Variants in DOCK10 observed in about 807,000 individuals in gnomAD.
DOCK10 encodes the protein dedicator of cytokinesis 10.
In DOCK10, 145 loss-of-function variants were observed where a neutral mutation model predicts 280.1. The observed-to-expected ratio is 0.52, with a 90% CI of 0.45 to 0.59. The LOEUF (loss-of-function observed/expected upper bound fraction) is 0.59. Ranked by LOEUF, DOCK10 falls within the 20% of genes least tolerant of loss-of-function variation. The pLI is 0.00. For missense variants in DOCK10, 2,368 were observed against 2,651.7 expected, an observed-to-expected ratio of 0.89 and a Z score of 2.35; for synonymous variants, 915 against 942.2, an observed-to-expected ratio of 0.97 and a Z score of 0.53.
chr2:224,791,314 T>C (rs1692178072), intron 47 of DOCK10, among the ~76,000 whole-genome samples: 2 of 152,262 alleles, frequency 1.3e-5, no homozygotes, highest in South Asian at 2.1e-4. Context: ...TCAGGCTACA[T>C]AGGAAGTGTG....
At chr2:225,035,879 CTCT>C (rs1262740973) in intron 1 of DOCK10, among the ~76,000 whole-genome samples, 15 of 151,260 alleles carry the variant, frequency 9.9e-5, no homozygotes, top group East Asian at 2.0e-4. Flanking sequence ...ATCTCTCTCT[CTCT>C]TCTTCTTCTT....
At chr2:224,954,535 G>A (rs1278185079) in intron 1 of DOCK10, among the ~76,000 whole-genome samples, 2 of 152,062 alleles carry the variant, frequency 1.3e-5, no homozygotes, top group Non-Finnish European at 2.9e-5. Flanking sequence ...GCTTCAGCCT[G>A]CTCTGCTGTT....
intron 1 of DOCK10, among the ~76,000 whole-genome samples, chr2:224,995,837 A>G (rs907846424): frequency 1.3e-5 from 2 of 152,134 alleles, no homozygotes; most frequent in African/African-American, 4.8e-5. Context: ...TATTGCTCAC[A>G]CTCTTGGCCA....
intron 13 of DOCK10, among the ~76,000 whole-genome samples, chr2:224,863,941 G>T (rs920446251): frequency 6.6e-6 from 1 of 152,050 alleles, no homozygotes; most frequent in African/African-American, 2.4e-5. Context: ...CATCAGCATT[G>T]CTGATGTCTC....
chr2:224,868,976 C>T (rs1698099233), intron 11 of DOCK10, among the ~76,000 whole-genome samples: 1 of 151,984 alleles, frequency 6.6e-6, no homozygotes, highest in Non-Finnish European at 1.5e-5. Flanking sequence ...TTTGATAACC[C>T]ATCAAAAATT....
chr2:224,875,252 A>G (rs1476011687), intron 8 of DOCK10, among the ~76,000 whole-genome samples: 1 of 152,218 alleles, frequency 6.6e-6, no homozygotes, highest in East Asian at 1.9e-4. Context: ...CAACAAAATC[A>G]GCAATAGTTT....
intron 28 of DOCK10, among the ~76,000 whole-genome samples, chr2:224,820,180 C>T (rs754333916): frequency 3.4e-4 from 52 of 152,162 alleles, no homozygotes; most frequent in Non-Finnish European, 6.2e-4. Context: ...GGAAGGAGAT[C>T]GTAAGATTTC....
chr2:225,016,035 T>C (rs1477672928), intron 1 of DOCK10, among the ~76,000 whole-genome samples: 3 of 152,216 alleles, frequency 2.0e-5, no homozygotes, highest in Non-Finnish European at 4.4e-5. Flanking sequence ...CTAAATGGGA[T>C]AGCATGTGCT....
At position 224,770,110 on chromosome 2, in the gene DOCK10, T is replaced by C; in HGVS notation, c.6444+101A>G. 7.5e-7 allele frequency: 1 copy of C among 1,330,772 alleles called. No homozygotes were observed. The highest frequency in any genetic ancestry group is 9.9e-7 in the Non-Finnish European group (1 of 1,014,532). The allele number at this position is 1,330,772 out of a possible 1,614,324, so 82.4% of individuals were successfully genotyped here. On this transcript the variant is annotated intron_variant, in intron 55 of 55. Transcript: ENST00000258390. The surrounding 1 kb of genome is among the most constrained non-coding windows in gnomAD (Gnocchi z 4.5). Reference sequence around the variant, plus strand: ...CAGCAACATGGTGCTGATGCAGTGATTTCTGCAGCAAGAAAAGGGCCTCTT... The same window carrying C: ...CAGCAACATGGTGCTGATGCAGTGACTTCTGCAGCAAGAAAAGGGCCTCTT...
chr2:224,960,793 G>C (rs1303990676), intron 1 of DOCK10, among the ~76,000 whole-genome samples: 1 of 128,400 alleles, frequency 7.8e-6, no homozygotes, highest in Non-Finnish European at 1.6e-5. Flanking sequence ...AGGCTGGAGT[G>C]CAGTGGCGCT....
chr2:225,010,410 T>G (rs1486259248), intron 1 of DOCK10: 1 of 152,294 alleles, frequency 6.6e-6, no homozygotes, highest in Non-Finnish European at 1.5e-5. Context: ...GGGGACAGAA[T>G]CTTATATTGT....
In DOCK10 at chr2:224,963,607, G is replaced by A. The variant is rs930067056; in HGVS notation, c.124-31939C>T. Among the ~76,000 whole-genome samples the A allele has an allele frequency of 1.2e-3, 188 of 152,268 alleles. 1 individual carries two copies. Among genetic ancestry groups the A allele is most frequent in the Non-Finnish European group, 1.2e-4 (8 of 68,024 alleles). On this transcript the variant is annotated intron_variant, in intron 1 of 55. Coordinates refer to ENST00000258390, the MANE Select transcript of DOCK10 (RefSeq NM_014689.3). ...TCAGCTCATGTGAGAAATCAGTGTG[G>A]CAATTAATGGTATGGCTCAAACCTC... is the stretch of plus-strand genomic sequence containing the variant.
intron 1 of DOCK10, among the ~76,000 whole-genome samples, chr2:224,943,756 CTTTTCTTTTTTTTTTTT>C: frequency 7.4e-6 from 1 of 135,444 alleles, no homozygotes; most frequent in South Asian, 2.4e-4. Flanking sequence ...ATTTTTTTTT[CTTTTCTTTTTTTTTTTT>C]TTTTTTTTGA....
chr2:224,866,738 A>G (rs1005258806), intron 11 of DOCK10, among the ~76,000 whole-genome samples: 7 of 152,176 alleles, frequency 4.6e-5, no homozygotes, highest in Non-Finnish European at 1.0e-4. Flanking sequence ...ATACAAGTAT[A>G]GACTCATGGA....
chr2:224,871,212 ATTTT>A (rs762653663), intron 11 of DOCK10, among the ~76,000 whole-genome samples: 59 of 152,218 alleles, frequency 3.9e-4, no homozygotes, highest in Non-Finnish European at 5.9e-5. Flanking sequence ...TCATAATGGT[ATTTT>A]TGACCTGTAT....
intron 18 of DOCK10, among the ~76,000 whole-genome samples, chr2:224,852,020 T>C (rs1000820538): frequency 8.6e-5 from 13 of 152,012 alleles, no homozygotes; most frequent in Non-Finnish European, 1.6e-4. Flanking sequence ...CAGTTCTGCG[T>C]AGACCATACG....
chr2:224,964,361 G>C (rs1704612994), intron 1 of DOCK10, among the ~76,000 whole-genome samples: 1 of 152,132 alleles, frequency 6.6e-6, no homozygotes, highest in Admixed American at 6.5e-5. Context: ...GATATGACCT[G>C]ACTCATCAGT....
intron 1 of DOCK10, among the ~76,000 whole-genome samples, chr2:224,998,720 C>T (rs112452954): frequency 6.4e-4 from 97 of 152,254 alleles, no homozygotes; most frequent in African/African-American, 2.1e-3. Context: ...CCTTTCTTCC[C>T]TTCTTCTTTT....
intron 31 of DOCK10, among the ~76,000 whole-genome samples, chr2:224,809,288 T>C (rs1693609609): frequency 1.3e-5 from 2 of 152,162 alleles, no homozygotes; most frequent in African/African-American, 4.8e-5. Context: ...GCATTCACAA[T>C]GATTTTATGA....
Sources: gnomAD v4.1 joint callset for allele counts (sites outside exome capture counted in the v4.1 genomes callset) on GRCh38, gnomAD v4.1.1 for gene constraint, Gnocchi (gnomAD v3.1) non-coding constraint, MANE v1.5 for transcripts, NCBI Gene and HGNC (gene_info 2026-07-23, HGNC 2026-07-21) for gene names.